The following TNIK variants were observed in gnomAD, a reference collection of about 807,000 sequenced individuals.
TNIK encodes the protein TRAF2 and NCK interacting kinase, also known as TRAF2 and NCK-interacting protein kinase.
In TNIK, 49 loss-of-function variants were observed where a neutral mutation model predicts 191.3. The ratio of observed to expected loss-of-function variants is 0.26; its 90% CI spans 0.20 to 0.32. The LOEUF (loss-of-function observed/expected upper bound fraction) is 0.32, where lower values mean the gene tolerates loss of function less well. Among genes scored for constraint, TNIK ranks in the 10% least tolerant of loss-of-function variants. The probability of loss-of-function intolerance (pLI) is 1.00; values close to 1 mark genes in which losing one functional copy is unlikely to be tolerated. For missense variants in TNIK, 1,155 were observed against 1,702.3 expected, an observed-to-expected ratio of 0.68 and a Z score of 5.66; for synonymous variants, 594 against 600.9, an observed-to-expected ratio of 0.99 and a Z score of 0.17.
At chr3:171,256,016 T>A (rs1268194929) in intron 2 of TNIK, among the ~76,000 whole-genome samples, 1 of 151,872 alleles carries the variant, frequency 6.6e-6, no homozygotes, top group South Asian at 2.1e-4. Context: ...AATTATAGAA[T>A]AAAGTATTCT....
intron 2 of TNIK, among the ~76,000 whole-genome samples, chr3:171,281,336 T>G (rs920025065): frequency 2.6e-5 from 4 of 152,212 alleles, no homozygotes; most frequent in Admixed American, 6.5e-5. Flanking sequence ...TTTGACCATA[T>G]GAGACCACAA....
At chr3:171,226,448 C>T (rs979807081) in intron 3 of TNIK, among the ~76,000 whole-genome samples, 4 of 152,180 alleles carry the variant, frequency 2.6e-5, no homozygotes, top group Non-Finnish European at 5.9e-5. Flanking sequence ...ATCCTTCACT[C>T]TACCATATCA....
chr3:171,248,478 A>C (rs1745861072), intron 2 of TNIK, among the ~76,000 whole-genome samples: 1 of 152,222 alleles, frequency 6.6e-6, no homozygotes, highest in Non-Finnish European at 1.5e-5. Flanking sequence ...GTTGGCTAAA[A>C]ATGATTAAAC....
At chr3:171,074,945 T>A (rs1464139178) in intron 28 of TNIK, among the ~76,000 whole-genome samples, 1 of 152,188 alleles carries the variant, frequency 6.6e-6, no homozygotes, top group Non-Finnish European at 1.5e-5. Context: ...TTTAGATGTG[T>A]GGATATAGAT....
chr3:171,296,939 C>G (rs370117810), intron 2 of TNIK, among the ~76,000 whole-genome samples: 1 of 152,186 alleles, frequency 6.6e-6, no homozygotes, highest in Non-Finnish European at 1.5e-5. Flanking sequence ...TCGCTGTTCT[C>G]ATAAGTTAAT....
At chr3:171,323,766 C>T (rs1755438399) in intron 2 of TNIK, among the ~76,000 whole-genome samples, 1 of 152,154 alleles carries the variant, frequency 6.6e-6, no homozygotes, top group African/African-American at 2.4e-5. Flanking sequence ...ATGACAGAAA[C>T]TGACACCACC....
At chr3:171,445,847 T>C (rs1727427948) in intron 1 of TNIK, among the ~76,000 whole-genome samples, 1 of 152,236 alleles carries the variant, frequency 6.6e-6, no homozygotes, top group East Asian at 1.9e-4. Flanking sequence ...TTCCTTGCAC[T>C]ATGCCACTTC....
intron 1 of TNIK, among the ~76,000 whole-genome samples, chr3:171,448,804 C>G (rs1387377535): frequency 6.6e-6 from 1 of 152,024 alleles, no homozygotes; most frequent in African/African-American, 2.4e-5. Flanking sequence ...ACAGAACGTG[C>G]AGGTTTGTTA....
chr3:171,080,950 T>G (rs768360976), intron 27 of TNIK, among the ~76,000 whole-genome samples: 1 of 152,214 alleles, frequency 6.6e-6, no homozygotes, highest in Non-Finnish European at 1.5e-5. Flanking sequence ...AAGAATCTTT[T>G]GCTCCTATTT....
At chr3:171,102,221 A>G (rs1050185964) in intron 21 of TNIK, 1 of 152,176 alleles carries the variant, frequency 6.6e-6, no homozygotes, top group African/African-American at 2.4e-5. Flanking sequence ...ACTGAAATTT[A>G]CAGCCACAGA....
chr3:171,322,391 A>G (rs1307941367), intron 2 of TNIK, among the ~76,000 whole-genome samples: 1 of 152,186 alleles, frequency 6.6e-6, no homozygotes, highest in East Asian at 1.9e-4. Context: ...AAAAAGATCA[A>G]TATCTCCCCT....
chr3:171,141,474 C>T (rs528384605), intron 12 of TNIK, among the ~76,000 whole-genome samples: 1 of 152,290 alleles, frequency 6.6e-6, no homozygotes, highest in South Asian at 2.1e-4. Context: ...GAAAGGAGAA[C>T]ATTTTAGAAG....
chr3:171,112,396 ATCACATTGAAAAT>A (rs1725983048), intron 18 of TNIK, among the ~76,000 whole-genome samples: 1 of 152,350 alleles, frequency 6.6e-6, no homozygotes, highest in East Asian at 1.9e-4. Context: ...ACTCTTGTTC[ATCACATTGAAAAT>A]ACTAGCTCTG....
intron 29 of TNIK, among the ~76,000 whole-genome samples, chr3:171,069,379 C>A (rs1404029903): frequency 2.6e-5 from 4 of 152,202 alleles, no homozygotes; most frequent in Non-Finnish European, 5.9e-5. Flanking sequence ...GGCAACCAGG[C>A]CCATCCACAG....
At chr3:171,085,654 G>A (rs1721256169) in intron 24 of TNIK, among the ~76,000 whole-genome samples, 1 of 152,162 alleles carries the variant, frequency 6.6e-6, no homozygotes, top group Non-Finnish European at 1.5e-5. Flanking sequence ...CCTGAACAGA[G>A]TCAAACCAAG....
chr3:171,151,641 C>T (rs1732445278), intron 12 of TNIK, among the ~76,000 whole-genome samples: 1 of 152,162 alleles, frequency 6.6e-6, no homozygotes. Context: ...AGGTCACACA[C>T]CTAATAAGGA....
intron 2 of TNIK, among the ~76,000 whole-genome samples, chr3:171,293,632 A>T (rs1751937039): frequency 6.6e-6 from 1 of 152,238 alleles, no homozygotes; most frequent in South Asian, 2.1e-4. Flanking sequence ...TTTCTCCAGG[A>T]AATAGCATCT....
chr3:171,202,574 G>A (rs545520720), intron 4 of TNIK, among the ~76,000 whole-genome samples: 1 of 152,256 alleles, frequency 6.6e-6, no homozygotes, highest in South Asian at 2.1e-4. Context: ...TCTTCCTTTT[G>A]CTTAGATGAA....
intron 2 of TNIK, among the ~76,000 whole-genome samples, chr3:171,304,716 T>C (rs1308821390): frequency 6.6e-5 from 10 of 152,108 alleles, no homozygotes; most frequent in Non-Finnish European, 1.5e-5. Flanking sequence ...TGTAGGGACA[T>C]GGATGAAGCT....
Sources: allele counts gnomAD v4.1 joint callset (sites outside exome capture counted in the v4.1 genomes callset), GRCh38; gene constraint gnomAD v4.1.1; transcripts MANE v1.5; gene names NCBI Gene and HGNC (gene_info 2026-07-23, HGNC 2026-07-21).